Variants in DYNC1LI2 observed in about 807,000 individuals in gnomAD.
The protein encoded by DYNC1LI2 is dynein cytoplasmic 1 light intermediate chain 2.
DYNC1LI2 carries 19 observed loss-of-function variants against 57.8 expected under a neutral mutation model. The ratio of observed to expected loss-of-function variants is 0.33; its 90% CI spans 0.23 to 0.48. The LOEUF (loss-of-function observed/expected upper bound fraction) is 0.48. Ranked by LOEUF, DYNC1LI2 falls within the 20% of genes least tolerant of loss-of-function variation. The probability of loss-of-function intolerance (pLI) is 0.99; values close to 1 mark genes in which losing one functional copy is unlikely to be tolerated. For synonymous variants in DYNC1LI2, 256 were observed against 233.4 expected (o/e 1.10, Z -0.88); for missense variants, 470 against 604.2 (o/e 0.78, Z 2.33).
intron 3 of DYNC1LI2, among the ~76,000 whole-genome samples, chr16:66,747,082 A>AAT (rs1555506377): frequency 7.0e-6 from 1 of 142,832 alleles, no homozygotes; most frequent in Admixed American, 7.0e-5. Context: ...TGCCCTCAAC[A>AAT]TTTTTTTTTT....
intron 6 of DYNC1LI2, chr16:66,732,762 A>G (rs536881893): frequency 1.6e-5 from 4 of 249,914 alleles, no homozygotes; most frequent in African/African-American, 8.9e-5. Context: ...TTATTTTTTA[A>G]CGTGTAAATT....
chr16:66,733,063 ACAC>A, intron 6 of DYNC1LI2: 1 of 152,238 alleles, frequency 6.6e-6, no homozygotes, highest in Non-Finnish European at 1.5e-5. Flanking sequence ...AAGACTACAG[ACAC>A]CACCTCTCTA....
At chr16:66,740,325 C>A (rs1411618320) in intron 4 of DYNC1LI2, among the ~76,000 whole-genome samples, 1 of 152,184 alleles carries the variant, frequency 6.6e-6, no homozygotes, top group Admixed American at 6.5e-5. Context: ...CCCTTCACTC[C>A]TTCCATATAA....
rs1192434884 is a variant in DYNC1LI2 at position 66,723,096 on chromosome 16, A to T, written c.*626T>A. The T allele has an allele frequency of 2.9e-6, 1 of 339,934 alleles. No homozygotes were observed. The highest frequency in any genetic ancestry group is 2.1e-5 in the African/African-American group (1 of 46,564). The allele number at this position is 339,934 out of a possible 1,614,324, so 21.1% of individuals were successfully genotyped here. On this transcript the variant is annotated 3_prime_UTR_variant, in exon 13 of 13. Transcript: ENST00000258198. ...CCCCCACAATTAGTACATCTTTCGT[A>T]AGTTAAAGATGCATTCAAAATAAGC...
chr16:66,742,313 A>C, intron 4 of DYNC1LI2, 125 bp downstream of exon 4: 1 of 927,470 alleles, frequency 1.1e-6, no homozygotes. Flanking sequence ...ACTCTGAAAT[A>C]AATGGTGCAA....
chr16:66,722,999 T>C lies in DYNC1LI2; in HGVS notation c.*723A>G. The C allele has an allele frequency of 3.8e-6, 1 of 264,206 alleles. No homozygotes were observed. The highest frequency in any genetic ancestry group is 4.4e-5 in the South Asian group (1 of 22,490). 16.4% of individuals were successfully genotyped at this position (264,206 alleles called of 1,614,324 possible). ...CAGTACCTCTCACGAGGACATAGCCTGGGCCAAGCACATGGGTCCTGGGCA... is the reference window on the plus strand; with the variant it reads ...CAGTACCTCTCACGAGGACATAGCCCGGGCCAAGCACATGGGTCCTGGGCA... On this transcript the variant is annotated 3_prime_UTR_variant, in exon 13 of 13. Transcript: ENST00000258198.
chr16:66,743,219 T>C (rs926674900), intron 3 of DYNC1LI2, among the ~76,000 whole-genome samples: 1 of 150,632 alleles, frequency 6.6e-6, no homozygotes, highest in African/African-American at 2.5e-5. Context: ...TACAGTAATA[T>C]AGGAGGTGTT....
chr16:66,742,506 C>T lies in DYNC1LI2; in HGVS notation c.461G>A (p.Ser154Asn). The T allele has an allele frequency of 6.2e-7, 1 of 1,614,242 alleles. No individual in the cohort carries two copies. Among genetic ancestry groups the T allele is most frequent in the Non-Finnish European group, 8.5e-7 (1 of 1,180,054 alleles). Residue 154 changes from serine to asparagine, a missense_variant, in exon 4 of 13, where the codon AGT (serine) becomes AAT (asparagine). Coordinates refer to ENST00000258198, the MANE Select transcript of DYNC1LI2 (RefSeq NM_006141.3). Reference sequence around the variant, plus strand: ...TTTATCAATGTGCTCACGTAAAACACTAGCCCATTTCTGCAGAGATTCCAT... The same window carrying T: ...TTTATCAATGTGCTCACGTAAAACATTAGCCCATTTCTGCAGAGATTCCAT... ...TVMESLQKWA[S>N]VLREHIDKMK... is the part of the protein sequence containing the mutation.
intron 12 of DYNC1LI2, among the ~76,000 whole-genome samples, chr16:66,725,113 G>A (rs2017513199): frequency 6.6e-6 from 1 of 151,180 alleles, no homozygotes; most frequent in African/African-American, 2.4e-5. Flanking sequence ...GGTGGAGGTT[G>A]GCAGTGAGTT....
intron 4 of DYNC1LI2, among the ~76,000 whole-genome samples, chr16:66,737,146 C>T (rs1043748813): frequency 6.6e-6 from 1 of 152,126 alleles, no homozygotes; most frequent in African/African-American, 2.4e-5. Flanking sequence ...GGTGGTGCAC[C>T]TGTAGTCCCA....
In DYNC1LI2 at chr16:66,723,144, T is replaced by G. The variant is rs935362376; in HGVS notation, c.*578A>C. 9 of 344,640 alleles carry G rather than the reference T, an allele frequency of 2.6e-5. No individual in the cohort carries two copies. The highest frequency in any genetic ancestry group is 4.6e-5 in the Non-Finnish European group (8 of 172,520). 21.3% of individuals were successfully genotyped at this position (344,640 alleles called of 1,614,324 possible). The stretch of plus-strand genomic sequence containing the variant: ...AGCCTAATTCCCATTTTGCTTAGTG[T>G]TTTGTTTGGAAATGCTTCTAACAAT... On this transcript the variant is annotated 3_prime_UTR_variant, in exon 13 of 13. Transcript: ENST00000258198.
At chr16:66,724,834 T>C (rs1440541707) in intron 12 of DYNC1LI2, 3 of 151,386 alleles carry the variant, frequency 2.0e-5, no homozygotes, top group East Asian at 3.9e-4. Context: ...GAAAAAAAAA[T>C]AGAACAAATA....
chr16:66,746,658 C>T (rs1179754104), intron 3 of DYNC1LI2, among the ~76,000 whole-genome samples: 2 of 151,598 alleles, frequency 1.3e-5, no homozygotes, highest in African/African-American at 2.4e-5. Flanking sequence ...ACAGAAGAGG[C>T]TATAGAGATT....
Position 66,723,250 on chromosome 16 carries a change from C to A in DYNC1LI2, c.*472G>T. ...TTCCTCCACCTCCCTCAACATTCAG[C>A]TTCCCCACCATCACTTGTCTCATTA... is the stretch of plus-strand genomic sequence containing the variant. On this transcript the variant is annotated 3_prime_UTR_variant, in exon 13 of 13. Coordinates refer to ENST00000258198, the MANE Select transcript of DYNC1LI2 (RefSeq NM_006141.3). The A allele has an allele frequency of 2.3e-6, 1 of 436,796 alleles. No individual in the cohort carries two copies. Among genetic ancestry groups the A allele is most frequent in the Non-Finnish European group, 4.7e-6 (1 of 214,312 alleles). The allele number at this position is 436,796 out of a possible 1,614,324, so 27.1% of individuals were successfully genotyped here. A position where few individuals can be genotyped will look rare whatever the true frequency, so the allele number is the denominator to read the frequency against.
intron 8 of DYNC1LI2, among the ~76,000 whole-genome samples, chr16:66,729,643 C>T (rs1424273722): frequency 1.4e-5 from 2 of 138,308 alleles, no homozygotes; most frequent in African/African-American, 2.7e-5. Flanking sequence ...GTGGCCCGAT[C>T]TCGGCTCATT....
chr16:66,734,030 T>A, intron 6 of DYNC1LI2, 188 bp downstream of exon 6: 1 of 558,918 alleles, frequency 1.8e-6, no homozygotes, highest in East Asian at 3.0e-5. Context: ...AAATGAGTGA[T>A]CAAAGGTAGA....
intron 4 of DYNC1LI2, among the ~76,000 whole-genome samples, chr16:66,739,784 G>C (rs762103114): frequency 1.1e-4 from 16 of 152,198 alleles, no homozygotes; most frequent in Non-Finnish European, 2.2e-4. Context: ...TAACATGAGT[G>C]AAAAGGCAGT....
chr16:66,728,018 T>C (rs1174161752), intron 10 of DYNC1LI2, 183 bp downstream of exon 10: 1 of 922,460 alleles, frequency 1.1e-6, no homozygotes, highest in East Asian at 2.7e-5. Context: ...CCCAGAGTTG[T>C]ATTCTTTCAT....
intron 7 of DYNC1LI2, 48 bp downstream of exon 7, chr16:66,732,291 T>A: frequency 6.3e-7 from 1 of 1,594,828 alleles, no homozygotes; most frequent in South Asian, 1.1e-5. Context: ...AAAAAGCAAA[T>A]GTACTTTAAA....
Sources: allele counts gnomAD v4.1 joint callset (sites outside exome capture counted in the v4.1 genomes callset), GRCh38; gene constraint gnomAD v4.1.1; transcripts MANE v1.5; gene names NCBI Gene and HGNC (gene_info 2026-07-23, HGNC 2026-07-21).